ALDH1L1: variants seen among roughly 807,000 people sequenced by gnomAD.
ALDH1L1 encodes aldehyde dehydrogenase 1 family member L1, also known as cytosolic 10-formyltetrahydrofolate dehydrogenase.
A neutral mutation model predicts 101.1 loss-of-function variants in ALDH1L1; 68 were observed. The observed-to-expected ratio is 0.67, with a 90% CI of 0.55 to 0.82. ALDH1L1 has a LOEUF of 0.82. Among genes scored for constraint, ALDH1L1 ranks in the 40% least tolerant of loss-of-function variants. The pLI is 0.00. For missense variants in ALDH1L1, 1,087 were observed against 1,172.7 expected (o/e 0.93, Z 1.07); for synonymous variants, 486 against 470.8 (o/e 1.03, Z -0.42).
At chr3:126,116,687 C>A (rs1293606021) in intron 17 of ALDH1L1, among the ~76,000 whole-genome samples, 2 of 152,222 alleles carry the variant, frequency 1.3e-5, no homozygotes, top group Non-Finnish European at 1.5e-5. Context: ...AAAACCCACC[C>A]CCAGAAGTTC....
chr3:126,106,096 A>T (rs1945860957), intron 21 of ALDH1L1, among the ~76,000 whole-genome samples, 171 bp from the exon 22 acceptor site: 1 of 152,158 alleles, frequency 6.6e-6, no homozygotes, highest in Non-Finnish European at 1.5e-5. Flanking sequence ...GCGAGCGAGG[A>T]GGAAGGGCAG....
intron 12 of ALDH1L1, among the ~76,000 whole-genome samples, chr3:126,133,008 A>C (rs1251988387): frequency 2.6e-5 from 4 of 152,218 alleles, no homozygotes; most frequent in African/African-American, 9.6e-5. Flanking sequence ...AAATAGTGAA[A>C]ACATCACCTA....
At chr3:126,114,793 T>TCCCCCCCCCC in intron 17 of ALDH1L1, 137 bp from the exon 18 acceptor site, 9 of 595,646 alleles carry the variant, frequency 1.5e-5, no homozygotes, top group Admixed American at 2.9e-5. Context: ...GCCTCCCCAC[T>TCCCCCCCCCC]CCCCCCCACC....
chr3:126,147,308 C>T (rs1301098862), intron 8 of ALDH1L1, among the ~76,000 whole-genome samples: 1 of 152,206 alleles, frequency 6.6e-6, no homozygotes, highest in Non-Finnish European at 1.5e-5. Context: ...TTGGTGCTAG[C>T]GCCCAGGTTC....
At chr3:126,110,206 A>G in intron 19 of ALDH1L1, 97 bp from the exon 20 acceptor site, 2 of 1,486,370 alleles carry the variant, frequency 1.3e-6, no homozygotes, top group East Asian at 4.5e-5. Context: ...CCCCTGGGGA[A>G]AGTCCACACT....
chr3:126,138,975 C>T (rs2080510279), intron 9 of ALDH1L1, among the ~76,000 whole-genome samples: 1 of 152,218 alleles, frequency 6.6e-6, no homozygotes, highest in Non-Finnish European at 1.5e-5. Flanking sequence ...AAATGATTTT[C>T]AGCCTCTCAT....
chr3:126,113,613 G>A (rs1005442346), intron 18 of ALDH1L1, among the ~76,000 whole-genome samples: 23 of 152,190 alleles, frequency 1.5e-4, no homozygotes, highest in African/African-American at 1.9e-4. Flanking sequence ...GGGTTCACCC[G>A]GGCCCGTGAA....
At chr3:126,155,616 A>G in intron 4 of ALDH1L1, 113 bp from the exon 5 acceptor site, 1 of 828,546 alleles carries the variant, frequency 1.2e-6, no homozygotes, top group Non-Finnish European at 1.8e-6. Context: ...CTTGCCTGGT[A>G]CACAGCAGTC....
chr3:126,119,935 T>C (rs1378601121), intron 16 of ALDH1L1, among the ~76,000 whole-genome samples: 1 of 152,350 alleles, frequency 6.6e-6, no homozygotes, highest in East Asian at 1.9e-4. Flanking sequence ...GAGATACCAC[T>C]GCACAGCTAC....
At chr3:126,161,202 C>T (rs2081043133) in intron 1 of ALDH1L1, among the ~76,000 whole-genome samples, 200 bp from the exon 2 acceptor site, 2 of 152,162 alleles carry the variant, frequency 1.3e-5, no homozygotes, top group South Asian at 2.1e-4. Context: ...CCCAATGGAT[C>T]CCTAATGTCA....
rs1466601011 is a variant in ALDH1L1, at chr3:126,157,404, G to A, written c.467C>T (p.Pro156Leu). The change falls in exon 4 of 23, where the codon CCG becomes CTG. Residue 156 changes from proline (P) to leucine (L), a missense_variant. By Grantham distance (98) the Pro-to-Leu change is moderately conservative. Around this residue, in one of 2 missense-constraint regions of ALDH1L1, gnomAD observed 645 missense variants for 637.0 expected, o/e 1.01. Transcript: ENST00000393434. The part of the protein sequence containing the change: ...LLLQKECEVL[P>L]DDTVSTLYNR... ...GTACAGCGTGCTCACGGTGTCGTCC[G>A]GGAGCACCTCACACTCCTTCTGCAG... The A allele has an allele frequency of 1.9e-6, 3 of 1,613,940 alleles. No homozygotes were observed. The highest frequency in any genetic ancestry group is 2.2e-5 in the East Asian group (1 of 44,872).
chr3:126,132,521 C>T lies in ALDH1L1; in HGVS notation c.1473-987G>A, dbSNP rs56660988. Among the ~76,000 whole-genome samples the T allele has an allele frequency of 9.2e-5, 14 of 152,320 alleles. No individual in the cohort carries two copies. In the East Asian group the frequency reaches 2.3e-3, roughly 25 times the overall value. Reference sequence around the variant, plus strand: ...TCTGCCTCCCTCCTCCTCCTCACATCGGCCTCTTCCAGGTGCTCAGGTCAG... The same window carrying T: ...TCTGCCTCCCTCCTCCTCCTCACATTGGCCTCTTCCAGGTGCTCAGGTCAG... On this transcript the variant is annotated intron_variant, in intron 12 of 22. Transcript: ENST00000393434.
rs899036490 is a variant in ALDH1L1, at chr3:126,158,658, G to A, written c.128-19C>T. 3.1e-6 allele frequency: 5 copies of A among 1,603,138 alleles called. No homozygotes were observed. Among genetic ancestry groups the A allele is most frequent in the Non-Finnish European group, 4.3e-6 (5 of 1,171,012 alleles). The stretch of plus-strand genomic sequence containing the variant: ...TCCAGACCTGTGGGACGGTGGATAA[G>A]AAACTGGCCCCTCTCCATAACCCAC... On this transcript the variant is annotated intron_variant, in intron 2 of 22. Transcript: ENST00000393434.
chr3:126,121,554 G>C (rs2080079126), intron 16 of ALDH1L1, among the ~76,000 whole-genome samples: 1 of 152,152 alleles, frequency 6.6e-6, no homozygotes, highest in Admixed American at 6.5e-5. Flanking sequence ...GTGCATTTCT[G>C]GAAGGCCAGC....
At chr3:126,106,864 C>T (rs761114636) in intron 21 of ALDH1L1, among the ~76,000 whole-genome samples, 6 of 152,194 alleles carry the variant, frequency 3.9e-5, no homozygotes, top group Admixed American at 1.3e-4. Flanking sequence ...CAGAGCCCAG[C>T]GGGCTGTGAG....
chr3:126,130,994 A>T (rs2080288889), intron 13 of ALDH1L1, among the ~76,000 whole-genome samples: 1 of 152,236 alleles, frequency 6.6e-6, no homozygotes, highest in Admixed American at 6.5e-5. Context: ...CAAGCCCGAG[A>T]GTGACCTGCT....
chr3:126,166,600 T>C (rs930772404), intron 1 of ALDH1L1, among the ~76,000 whole-genome samples: 1 of 152,186 alleles, frequency 6.6e-6, no homozygotes, highest in Non-Finnish European at 1.5e-5. Flanking sequence ...CTTAACAATG[T>C]CTTTATTAAT....
chr3:126,103,881 C>T (rs1945764205), intron 22 of ALDH1L1, 35 bp from the exon 23 acceptor site: 3 of 1,608,182 alleles, frequency 1.9e-6, no homozygotes, highest in Non-Finnish European at 1.7e-6. Context: ...GCAGCTCCCA[C>T]CACAGGCAGG....
intron 16 of ALDH1L1, among the ~76,000 whole-genome samples, chr3:126,121,946 C>T (rs1398497157): frequency 1.3e-5 from 2 of 152,166 alleles, no homozygotes; most frequent in Non-Finnish European, 2.9e-5. Flanking sequence ...CCCTTTCCTC[C>T]ACCCAGACCG....
Sources: gnomAD v4.1 joint callset for allele counts (sites outside exome capture counted in the v4.1 genomes callset) on GRCh38, gnomAD v4.1.1 for gene constraint, gnomAD v4.1.1 regional missense constraint, MANE v1.5 for transcripts, NCBI Gene and HGNC (gene_info 2026-07-23, HGNC 2026-07-21) for gene names.